ATRNL1: variants seen among roughly 807,000 people sequenced by gnomAD.
ATRNL1 encodes the protein attractin like 1, also known as attractin-like protein 1.
In ATRNL1, 95 loss-of-function variants were observed where a neutral mutation model predicts 182.7. The ratio of observed to expected loss-of-function variants is 0.52; its 90% CI spans 0.44 to 0.62. The LOEUF is 0.62. ATRNL1 is among the 20% of genes least tolerant of loss of function. The pLI, the probability that ATRNL1 is intolerant of heterozygous loss-of-function variation, is 0.00. For synonymous variants in ATRNL1, 576 were observed against 568.3 expected (o/e 1.01, Z -0.19); for missense variants, 1,471 against 1,679.5 (o/e 0.88, Z 2.17).
chr10:115,473,435 A>G (rs1046876692), intron 24 of ATRNL1, among the ~76,000 whole-genome samples: 30 of 151,362 alleles, frequency 2.0e-4, no homozygotes, highest in Admixed American at 5.3e-4. Flanking sequence ...ATTATTAACT[A>G]TAGTCACCAT....
chr10:115,672,773 T>A (rs2532727), intron 26 of ATRNL1, among the ~76,000 whole-genome samples: 91,692 of 152,024 alleles, frequency 0.6, 28,608 homozygotes, highest in East Asian at 0.96. Flanking sequence ...AATTATTTTT[T>A]ATCTCATGTT....
chr10:115,639,538 T>A (rs1859097652), intron 26 of ATRNL1, among the ~76,000 whole-genome samples: 1 of 152,182 alleles, frequency 6.6e-6, no homozygotes, highest in African/African-American at 2.4e-5. Context: ...CTCAGTGCAA[T>A]GATATTTAAA....
rs782245601 is a variant in ATRNL1 at position 115,334,350 on chromosome 10, A to G, written c.3106A>G (p.Thr1036Ala). 6.8e-6 allele frequency: 11 copies of G among 1,606,508 alleles called. No individual in the cohort carries two copies. Among genetic ancestry groups the G allele is most frequent in the Non-Finnish European group, 9.4e-6 (11 of 1,174,640 alleles). Residue 1036 changes from threonine (T) to alanine (A), a missense_variant, in exon 19 of 29, where the codon ACA becomes GCA. Thr to Ala is a moderately conservative substitution (Grantham distance 58). Around this residue, in one of 3 missense-constraint regions of ATRNL1, gnomAD observed 437 missense variants for 506.0 expected, o/e 0.86. Coordinates refer to ENST00000355044, the MANE Select transcript of ATRNL1 (RefSeq NM_207303.4). Reference protein sequence around the residue: ...NVCEQCKNLTTGKQCQDCMPG... With the variant: ...NVCEQCKNLTAGKQCQDCMPG... Reference sequence around the variant, plus strand: ...GTGCGAACAGTGTAAAAATCTCACCACAGGAAAGCAGTGTCAAGATTGTAT... The same window carrying G: ...GTGCGAACAGTGTAAAAATCTCACCGCAGGAAAGCAGTGTCAAGATTGTAT...
At chr10:115,808,096 T>C (rs1484884800) in intron 27 of ATRNL1, among the ~76,000 whole-genome samples, 1 of 152,202 alleles carries the variant, frequency 6.6e-6, no homozygotes, top group Non-Finnish European at 1.5e-5. Flanking sequence ...CCTATTATTT[T>C]TCATTAAGTA....
chr10:115,408,044 C>T (rs1366663497), intron 20 of ATRNL1, among the ~76,000 whole-genome samples: 19 of 141,900 alleles, frequency 1.3e-4, no homozygotes, highest in African/African-American at 4.1e-4. Context: ...TCGCCCAGGC[C>T]GGACTGCGGA....
intron 19 of ATRNL1, among the ~76,000 whole-genome samples, chr10:115,381,653 T>A (rs1858016593): frequency 6.6e-6 from 1 of 151,944 alleles, no homozygotes; most frequent in African/African-American, 2.4e-5. Context: ...TTTATTCCAT[T>A]CTTTATTGTC....
In ATRNL1 at chr10:115,439,714, T is replaced by A. The variant is rs367954776; in HGVS notation, c.3322+13412T>A. ...CTGGACTATCCTGGTATACTCAGTGTAATAACAAGTATTCTTATGAAAGGG... is the reference window on the plus strand; with the variant it reads ...CTGGACTATCCTGGTATACTCAGTGAAATAACAAGTATTCTTATGAAAGGG... On this transcript the variant is annotated intron_variant, in intron 21 of 28. Transcript: ENST00000355044. 4.1e-4 allele frequency among the ~76,000 whole-genome samples: 62 copies of A among 152,016 alleles called. 1 individual carries two copies. The East Asian group carries it at 8.9e-3, about 22-fold the overall frequency.
chr10:115,895,487 C>T (rs1352489811), intron 28 of ATRNL1, among the ~76,000 whole-genome samples: 1 of 152,218 alleles, frequency 6.6e-6, no homozygotes, highest in African/African-American at 2.4e-5. Flanking sequence ...TCACTTTCTA[C>T]TCACTCTTGA....
chr10:115,310,931 C>T (rs1853988201), intron 17 of ATRNL1, among the ~76,000 whole-genome samples: 1 of 152,178 alleles, frequency 6.6e-6, no homozygotes, highest in Admixed American at 6.5e-5. Context: ...ATCTTTCAGA[C>T]TTTTTGATGC....
intron 28 of ATRNL1, among the ~76,000 whole-genome samples, chr10:115,919,022 C>T (rs1952964110): frequency 6.6e-6 from 1 of 152,152 alleles, no homozygotes; most frequent in Non-Finnish European, 1.5e-5. Flanking sequence ...TAAAACCCAT[C>T]TCAAAGCCCT....
chr10:115,755,633 T>G (rs1948567734), intron 27 of ATRNL1, among the ~76,000 whole-genome samples: 1 of 152,172 alleles, frequency 6.6e-6, no homozygotes, highest in Admixed American at 6.5e-5. Flanking sequence ...AAATTTTCTT[T>G]TTTGGTTGCA....
At chr10:115,866,526 A>G (rs978859227) in intron 28 of ATRNL1, among the ~76,000 whole-genome samples, 1 of 152,196 alleles carries the variant, frequency 6.6e-6, no homozygotes, top group Non-Finnish European at 1.5e-5. Context: ...TAGCAAAATC[A>G]AAGTTCAAAA....
At chr10:115,801,715 C>A (rs1949797346) in intron 27 of ATRNL1, among the ~76,000 whole-genome samples, 1 of 152,122 alleles carries the variant, frequency 6.6e-6, no homozygotes. Flanking sequence ...CTACTGTCTT[C>A]ATCAACATGA....
At chr10:115,774,371 G>A (rs542965542) in intron 27 of ATRNL1, among the ~76,000 whole-genome samples, 25 of 143,880 alleles carry the variant, frequency 1.7e-4, no homozygotes, top group African/African-American at 4.7e-4. Flanking sequence ...GTTGCGGTGA[G>A]CCGAGATCAC....
intron 27 of ATRNL1, among the ~76,000 whole-genome samples, chr10:115,754,127 G>C (rs1255896224): frequency 5.3e-5 from 8 of 152,176 alleles, no homozygotes; most frequent in Non-Finnish European, 7.3e-5. Context: ...TAGGTTGCCT[G>C]CTCACTCTGA....
Position 115,093,539 on chromosome 10 carries a change from G to C in ATRNL1, c.-212G>C, listed in dbSNP as rs782639099. 1.5e-6 allele frequency: 1 copy of C among 684,204 alleles called. No individual in the cohort carries two copies. The highest frequency in any genetic ancestry group is 2.6e-6 in the Non-Finnish European group (1 of 378,382). 42.4% of individuals were successfully genotyped at this position (684,204 alleles called of 1,614,324 possible). ...GCTAAGGACAAGGTCGGGAGACTGG[G>C]TGGCGATGCCCGAGTGCGACTGGAG... On this transcript the variant is annotated 5_prime_UTR_variant, in exon 1 of 29. Coordinates refer to ENST00000355044, the MANE Select transcript of ATRNL1 (RefSeq NM_207303.4). The surrounding 1 kb of genome is among the most constrained non-coding windows in gnomAD (Gnocchi z 6.1).
At chr10:115,176,842 A>G (rs1847529689) in intron 8 of ATRNL1, among the ~76,000 whole-genome samples, 1 of 152,054 alleles carries the variant, frequency 6.6e-6, no homozygotes, top group Non-Finnish European at 1.5e-5. Flanking sequence ...GAAGTTTTAG[A>G]GCAGGAATTC....
chr10:115,521,754 T>C (rs1554985261), intron 25 of ATRNL1, among the ~76,000 whole-genome samples: 1 of 152,198 alleles, frequency 6.6e-6, no homozygotes, highest in African/African-American at 2.4e-5. Context: ...ATGGGTTTTT[T>C]GTCATTTAAA....
rs1460066476 is a variant in ATRNL1, at chr10:115,268,191, TTTGAAA to T, written c.1982-129_1982-124del. On this transcript the variant is annotated intron_variant, in intron 12 of 28. Transcript: ENST00000355044. ...TTGTCTTAATCTTTAGAAAACTTAC[TTTGAAA>T]TTGAAGGTCATTTCTTTGGTTAAAA... 3 of 626,634 alleles carry T rather than the reference TTTGAAA, an allele frequency of 4.8e-6. No individual in the cohort carries two copies. The African/African-American group carries it at 5.6e-5, about 12-fold the overall frequency. 38.8% of individuals were successfully genotyped at this position (626,634 alleles called of 1,614,324 possible).
Sources: gnomAD v4.1 joint callset for allele counts (sites outside exome capture counted in the v4.1 genomes callset) on GRCh38, gnomAD v4.1.1 for gene constraint, gnomAD v4.1.1 regional missense constraint, Gnocchi (gnomAD v3.1) non-coding constraint, MANE v1.5 for transcripts, NCBI Gene and HGNC (gene_info 2026-07-23, HGNC 2026-07-21) for gene names.